Variants in RUFY1 observed in about 807,000 individuals in gnomAD.
RUFY1 encodes the protein RUN and FYVE domain containing 1, also known as RUN and FYVE domain-containing protein 1.
In RUFY1, 54 loss-of-function variants were observed where a neutral mutation model predicts 94.6. That is an observed-to-expected ratio of 0.57 (90% CI 0.46 to 0.72). RUFY1 has a LOEUF of 0.72. Among genes scored for constraint, RUFY1 ranks in the 30% least tolerant of loss-of-function variants. The probability of loss-of-function intolerance (pLI) is 0.00; values close to 1 mark genes in which losing one functional copy is unlikely to be tolerated. For missense variants in RUFY1, 883 were observed against 883.9 expected (o/e 1.00, Z 0.01); for synonymous variants, 396 against 347.3 (o/e 1.14, Z -1.56).
chr5:179,584,402 A>G (rs375249011), intron 7 of RUFY1, among the ~76,000 whole-genome samples: 37 of 152,294 alleles, frequency 2.4e-4, no homozygotes, highest in African/African-American at 8.2e-4. Flanking sequence ...ATATAAAATT[A>G]TGGCTGCCTT....
At chr5:179,580,396 C>T (rs1159030680) in intron 6 of RUFY1, among the ~76,000 whole-genome samples, 1 of 151,742 alleles carries the variant, frequency 6.6e-6, no homozygotes, top group Non-Finnish European at 1.5e-5. Flanking sequence ...GCGCCCGCCA[C>T]CACGCCCGGC....
intron 2 of RUFY1, among the ~76,000 whole-genome samples, chr5:179,560,517 A>G (rs888595340): frequency 6.6e-6 from 1 of 151,520 alleles, no homozygotes; most frequent in Non-Finnish European, 1.5e-5. Context: ...CAGGATATCG[A>G]GACCATCCTG....
chr5:179,609,625 A>G lies in RUFY1; in HGVS notation c.*106A>G, dbSNP rs1001457759. 11 of 1,209,498 alleles carry G rather than the reference A, an allele frequency of 9.1e-6. No individual in the cohort carries two copies. Among genetic ancestry groups the G allele is most frequent in the Non-Finnish European group, 1.2e-5 (11 of 900,476 alleles). 74.9% of individuals were successfully genotyped at this position (1,209,498 alleles called of 1,614,324 possible). ...CCAAGAGTATCAAAGGAAAGAATCA[A>G]ATTTCTTGCCCGGTCACTGGCACTC... On this transcript the variant is annotated 3_prime_UTR_variant, in exon 18 of 18. Transcript: ENST00000319449.
chr5:179,559,942 G>A, intron 1 of RUFY1, 83 bp from the exon 2 acceptor site: 1 of 1,518,896 alleles, frequency 6.6e-7, no homozygotes, highest in Non-Finnish European at 8.8e-7. Flanking sequence ...CCTCCTGCCT[G>A]ACCCGTCTTC....
rs769595450 is a variant in RUFY1 at position 179,596,623 on chromosome 5, G to A, written c.1573G>A (p.Glu525Lys). The A allele has an allele frequency of 3.7e-6, 6 of 1,613,042 alleles. No homozygotes were observed. The highest frequency in any genetic ancestry group is 5.1e-6 in the Non-Finnish European group (6 of 1,179,896). ...AEERSHKLQQELGGRIGALQL... is the reference protein window; with the variant it reads ...AEERSHKLQQKLGGRIGALQL... ...GGAGCGGAGCCACAAGCTGCAGCAG[G>A]AGCTGGGCGGGAGGATCGGCGCCCT... Residue 525 changes from glutamate (E) to lysine (K), a missense_variant, in exon 13 of 18, where the codon GAG becomes AAG. Glu to Lys is a moderately conservative substitution (Grantham distance 56). Transcript: ENST00000319449.
At chr5:179,560,930 C>A (rs1204517330) in intron 2 of RUFY1, among the ~76,000 whole-genome samples, 1 of 152,084 alleles carries the variant, frequency 6.6e-6, no homozygotes. Context: ...CCTTATTAGG[C>A]CAGGCGCGGT....
chr5:179,563,517 T>C (rs7710728), intron 3 of RUFY1, among the ~76,000 whole-genome samples: 151,726 of 152,310 alleles, frequency 1, 75,574 homozygotes, highest in Middle Eastern at 1. Context: ...CTGTTATGCC[T>C]TGAAGCCCTC....
intron 5 of RUFY1, among the ~76,000 whole-genome samples, chr5:179,569,966 G>A (rs999542965): frequency 1.6e-4 from 25 of 152,018 alleles, no homozygotes; most frequent in South Asian, 4.2e-4. Flanking sequence ...GGATGGTTTC[G>A]ATCTCCTGAC....
intron 1 of RUFY1, among the ~76,000 whole-genome samples, chr5:179,551,414 C>T (rs755407352): frequency 1.1e-4 from 16 of 152,266 alleles, no homozygotes; most frequent in Non-Finnish European, 1.8e-4. Context: ...TAACTTAGCC[C>T]TCTAACGCCA....
intron 14 of RUFY1, among the ~76,000 whole-genome samples, chr5:179,601,522 CTTTT>C (rs1228880111): frequency 8.5e-5 from 12 of 141,940 alleles, no homozygotes. Context: ...GTTGCTGAAT[CTTTT>C]TTTTTTTTTT....
intron 16 of RUFY1, chr5:179,607,335 G>A: frequency 1.9e-6 from 1 of 536,150 alleles, no homozygotes; most frequent in East Asian, 3.3e-5. Flanking sequence ...GAGACCGCCT[G>A]GAGGCCCCAG....
Position 179,593,707 on chromosome 5 carries a change from ATTC to A in RUFY1, c.1413+68_1413+70del, listed in dbSNP as rs1245400605. 1.6e-5 allele frequency: 25 copies of A among 1,568,632 alleles called. No individual in the cohort carries two copies. The African/African-American group carries it at 1.6e-4, about 10-fold the overall frequency. On this transcript the variant is annotated intron_variant, in intron 11 of 17. Coordinates refer to ENST00000319449, the MANE Select transcript of RUFY1 (RefSeq NM_025158.5). Reference sequence around the variant, plus strand: ...TTCTGCTGCTCGCCAGTCTTGTGTCATTCTTCTTACAAAATGAGCGAGTAGACA... The same window carrying A: ...TTCTGCTGCTCGCCAGTCTTGTGTCATTCTTACAAAATGAGCGAGTAGACA...
Position 179,594,448 on chromosome 5 carries a change from C to T in RUFY1, c.1414-418C>T, listed in dbSNP as rs529462265. On this transcript the variant is annotated intron_variant, in intron 11 of 17. Transcript: ENST00000319449. The stretch of plus-strand genomic sequence containing the variant: ...CCAAGGGAACTGTCCCAGACAGAAC[C>T]AATCATGCCAGATTTTGAAAAACAG... 8.7e-5 allele frequency among the ~76,000 whole-genome samples: 13 copies of T among 149,640 alleles called. No individual in the cohort carries two copies. In the South Asian group the frequency reaches 2.8e-3, roughly 32 times the overall value.
At chr5:179,568,683 A>G (rs1763005699) in intron 4 of RUFY1, among the ~76,000 whole-genome samples, 1 of 152,224 alleles carries the variant, frequency 6.6e-6, no homozygotes, top group Non-Finnish European at 1.5e-5. Flanking sequence ...CAGGGTAATT[A>G]CCATATCCCT....
chr5:179,602,306 G>A (rs1225993295), intron 15 of RUFY1: 2 of 288,116 alleles, frequency 6.9e-6, no homozygotes, highest in Admixed American at 4.4e-5. Flanking sequence ...CGCTTGGTCA[G>A]CCTACAGTCA....
rs1003939404 is a variant in RUFY1, at chr5:179,570,574, G to A, written c.828+1149G>A. 4.3e-4 allele frequency among the ~76,000 whole-genome samples: 66 copies of A among 152,240 alleles called. 2 individuals are homozygous for A. The highest frequency in any genetic ancestry group is 1.6e-3 in the African/African-American group (65 of 41,550). On this transcript the variant is annotated intron_variant, in intron 5 of 17. Transcript: ENST00000319449. ...TGGCAGGGACTGTAAATGTGTGAGG[G>A]GAATAGGTACCCTAACCCATTCCTC...
chr5:179,577,612 C>A (rs1243256641), intron 6 of RUFY1, among the ~76,000 whole-genome samples: 1 of 122,690 alleles, frequency 8.2e-6, no homozygotes, highest in Non-Finnish European at 1.6e-5. Context: ...TGGGGAGTTT[C>A]GGCCGAAAGA....
intron 6 of RUFY1, among the ~76,000 whole-genome samples, chr5:179,577,923 CT>C (rs1763785215): frequency 1.4e-5 from 2 of 146,572 alleles, no homozygotes; most frequent in Non-Finnish European, 3.0e-5. Context: ...TTGAGATTTT[CT>C]GTTTTGTTTA....
chr5:179,558,567 C>T (rs979970105), intron 1 of RUFY1, among the ~76,000 whole-genome samples: 13 of 127,484 alleles, frequency 1.0e-4, no homozygotes, highest in African/African-American at 3.4e-4. Flanking sequence ...AGTGAAACAA[C>T]ATCTCAAAAA....
Sources: gnomAD v4.1 joint callset for allele counts (sites outside exome capture counted in the v4.1 genomes callset) on GRCh38, gnomAD v4.1.1 for gene constraint, MANE v1.5 for transcripts, NCBI Gene and HGNC (gene_info 2026-07-23, HGNC 2026-07-21) for gene names.